The following PLXNA4 variants were observed in gnomAD, a reference collection of about 807,000 sequenced individuals.
PLXNA4 encodes plexin-A4.
A neutral mutation model predicts 191.8 loss-of-function variants in PLXNA4; 44 were observed. The observed-to-expected ratio is 0.23, with a 90% CI of 0.18 to 0.29. The LOEUF (loss-of-function observed/expected upper bound fraction) is 0.29, where lower values mean the gene tolerates loss of function less well. Ranked by LOEUF, PLXNA4 falls within the 10% of genes least tolerant of loss-of-function variation. The probability of loss-of-function intolerance (pLI) is 1.00; values close to 1 mark genes in which losing one functional copy is unlikely to be tolerated. For synonymous variants in PLXNA4, 1,082 were observed against 1,009.5 expected (o/e 1.07, Z -1.36); for missense variants, 1,800 against 2,488.8 (o/e 0.72, Z 5.89).
chr7:132,154,566 G>T (rs555760198), intron 25 of PLXNA4, among the ~76,000 whole-genome samples: 2 of 152,172 alleles, frequency 1.3e-5, no homozygotes, highest in African/African-American at 4.8e-5. Context: ...TGCTATTTGG[G>T]GATGCCTAGA....
intron 3 of PLXNA4, among the ~76,000 whole-genome samples, chr7:132,340,625 A>T (rs1802991986): frequency 6.6e-6 from 1 of 152,210 alleles, no homozygotes; most frequent in South Asian, 2.1e-4. Context: ...GAAAGAGCAC[A>T]AGAGAATTGG....
chr7:132,417,240 A>T lies in PLXNA4; in HGVS notation c.1371+72052T>A, dbSNP rs138891789. Among the ~76,000 whole-genome samples the T allele has an allele frequency of 3.0e-3, 461 of 152,268 alleles. 4 individuals carry two copies. The highest frequency in any genetic ancestry group is 0.01 in the African/African-American group (428 of 41,554). On this transcript the variant is annotated intron_variant, in intron 3 of 31. Transcript: ENST00000321063. ...GGGGAGCCTCTGACAGCCAGAGATG[A>T]AATGGCAGAAAGGGCTCCTTGTCTG...
intron 3 of PLXNA4, among the ~76,000 whole-genome samples, chr7:132,422,397 G>A (rs1794880607): frequency 6.6e-6 from 1 of 152,198 alleles, no homozygotes; most frequent in African/African-American, 2.4e-5. Flanking sequence ...TGCACACACA[G>A]AGAAGCACGG....
chr7:132,166,213 G>GAAAC (rs1359456179), intron 22 of PLXNA4, among the ~76,000 whole-genome samples: 2 of 151,286 alleles, frequency 1.3e-5, no homozygotes, highest in Non-Finnish European at 3.0e-5. Context: ...AACGAACAAA[G>GAAAC]AAACAAACAA....
intron 1 of PLXNA4, among the ~76,000 whole-genome samples, chr7:132,557,573 T>C (rs1435817347): frequency 3.3e-5 from 5 of 152,016 alleles, no homozygotes; most frequent in Non-Finnish European, 7.4e-5. Context: ...TTTTCACCTT[T>C]GCAAAACCTT....
chr7:132,462,517 A>T (rs956642442), intron 3 of PLXNA4, among the ~76,000 whole-genome samples: 5 of 151,484 alleles, frequency 3.3e-5, no homozygotes, highest in African/African-American at 7.4e-5. Context: ...ATATGTACAT[A>T]TATATACTCT....
Position 132,241,067 on chromosome 7 carries a change from T to C in PLXNA4, c.1603A>G (p.Thr535Ala), listed in dbSNP as rs1275975256. The C allele has an allele frequency of 6.2e-7, 1 of 1,600,438 alleles. No homozygotes were observed. Among genetic ancestry groups the C allele is most frequent in the Non-Finnish European group, 8.5e-7 (1 of 1,171,410 alleles). The change falls in exon 5 of 32, where the codon ACT becomes GCT. Residue 535 changes from threonine to alanine, a missense_variant and splice_region_variant. Coordinates refer to ENST00000321063, the MANE Select transcript of PLXNA4 (RefSeq NM_020911.2). ...AGGCAGCCTCCCCATGGTACTCACGTGTTGTGCAGCACACACCAGCCACAG... is the reference window on the plus strand; with the variant it reads ...AGGCAGCCTCCCCATGGTACTCACGCGTTGTGCAGCACACACCAGCCACAG... ...PHCGWCVLHN[T>A]CTRKERCERS... is the part of the protein sequence containing the mutation.
chr7:132,415,909 T>C (rs1794643142), intron 3 of PLXNA4, among the ~76,000 whole-genome samples: 1 of 152,196 alleles, frequency 6.6e-6, no homozygotes, highest in South Asian at 2.1e-4. Context: ...AATGAACAGA[T>C]AAGTTTGATA....
At chr7:132,322,124 C>G (rs1439364197) in intron 3 of PLXNA4, among the ~76,000 whole-genome samples, 2 of 150,994 alleles carry the variant, frequency 1.3e-5, no homozygotes, top group Admixed American at 1.3e-4. Context: ...CTGAGACACA[C>G]TTTCCATTGG....
intron 3 of PLXNA4, among the ~76,000 whole-genome samples, chr7:132,387,389 A>C (rs898788386): frequency 6.6e-6 from 1 of 152,228 alleles, no homozygotes; most frequent in East Asian, 1.9e-4. Flanking sequence ...GATGTCTTTG[A>C]GTAAAGGAGA....
intron 14 of PLXNA4, among the ~76,000 whole-genome samples, chr7:132,191,014 A>G (rs1461147201): frequency 6.6e-6 from 1 of 152,208 alleles, no homozygotes. Context: ...AACTTTGACG[A>G]ATAAGGAGGA....
intron 3 of PLXNA4, among the ~76,000 whole-genome samples, chr7:132,315,876 G>C (rs923078915): frequency 3.3e-5 from 5 of 152,212 alleles, no homozygotes; most frequent in Non-Finnish European, 5.9e-5. Context: ...GTAGTCAGCT[G>C]TGGTCAGGGC....
chr7:132,646,807 C>T (rs1803878184), intron 1 of PLXNA4, among the ~76,000 whole-genome samples: 1 of 152,114 alleles, frequency 6.6e-6, no homozygotes, highest in Admixed American at 6.5e-5. Flanking sequence ...CAAGCCACTG[C>T]CAGTTCCACA....
At chr7:132,164,061 C>T (rs1274771897) in intron 24 of PLXNA4, 81 bp downstream of exon 24, 2 of 1,575,384 alleles carry the variant, frequency 1.3e-6, no homozygotes, top group African/African-American at 2.7e-5. Flanking sequence ...AGCCTTTCAG[C>T]CATCTCCACT....
chr7:132,325,621 A>C (rs1284874806), intron 3 of PLXNA4, among the ~76,000 whole-genome samples: 1 of 152,178 alleles, frequency 6.6e-6, no homozygotes, highest in African/African-American at 2.4e-5. Context: ...CCAGGCAAGG[A>C]TGGCTGGCCA....
chr7:132,351,317 C>A (rs1272279370), intron 3 of PLXNA4, among the ~76,000 whole-genome samples: 1 of 152,228 alleles, frequency 6.6e-6, no homozygotes, highest in African/African-American at 2.4e-5. Flanking sequence ...GAATATATCT[C>A]ATTAAAGCTG....
At chr7:132,272,127 A>G (rs943119078) in intron 4 of PLXNA4, among the ~76,000 whole-genome samples, 6 of 152,200 alleles carry the variant, frequency 3.9e-5, no homozygotes, top group African/African-American at 1.4e-4. Context: ...TCAACATACA[A>G]CTAACTTCTA....
At chr7:132,317,832 A>C (rs537029728) in intron 3 of PLXNA4, among the ~76,000 whole-genome samples, 2 of 152,270 alleles carry the variant, frequency 1.3e-5, no homozygotes, top group South Asian at 4.1e-4. Flanking sequence ...TCCCTCCCTC[A>C]GCTGGCTCAG....
intron 2 of PLXNA4, among the ~76,000 whole-genome samples, chr7:132,643,084 G>C (rs1803780693): frequency 6.6e-6 from 1 of 152,112 alleles, no homozygotes; most frequent in South Asian, 2.1e-4. Flanking sequence ...AATCTTTTCA[G>C]ACCTGCAGGA....
Sources: allele counts gnomAD v4.1 joint callset (sites outside exome capture counted in the v4.1 genomes callset), GRCh38; gene constraint gnomAD v4.1.1; transcripts MANE v1.5; gene names NCBI Gene and HGNC (gene_info 2026-07-23, HGNC 2026-07-21).